FANCB: variants seen among roughly 807,000 people sequenced by gnomAD.
FANCB encodes the protein Fanconi anemia group B protein.
FANCB carries 5 observed loss-of-function variants against 38.9 expected under a neutral mutation model. The observed-to-expected ratio is 0.13, with a 90% CI of 0.07 to 0.27. The LOEUF (loss-of-function observed/expected upper bound fraction) is 0.27, where lower values mean the gene tolerates loss of function less well. Ranked by LOEUF, FANCB falls within the 10% of genes least tolerant of loss-of-function variation. The pLI is 1.00. For synonymous variants in FANCB, 236 were observed against 215.4 expected (o/e 1.10, Z -0.84); for missense variants, 573 against 602.7 (o/e 0.95, Z 0.52).
chrX:14,827,932 A>G, the FANCB span, among the ~76,000 whole-genome samples: 5 of 111,915 alleles, frequency 4.5e-5, no homozygotes, highest in East Asian at 8.4e-4. Context: ...TTTTGGGTTC[A>G]GTTCTAAACC....
chrX:14,775,163 T>TTG, the FANCB span, among the ~76,000 whole-genome samples: 1 of 68,852 alleles, frequency 1.5e-5, no homozygotes, highest in East Asian at 3.9e-4. Flanking sequence ...CTCTAATGTT[T>TTG]TTTTTTTTTT....
chrX:14,724,378 C>T, the FANCB span, among the ~76,000 whole-genome samples: 1 of 110,200 alleles, frequency 9.1e-6, no homozygotes, highest in African/African-American at 3.3e-5. Flanking sequence ...GTAATCCCAG[C>T]ACTTTGGGAG....
chrX:14,833,857 G>C (rs755091079), downstream of FANCB, among the ~76,000 whole-genome samples: 2 of 111,784 alleles, frequency 1.8e-5, no homozygotes, highest in Non-Finnish European at 3.8e-5. Flanking sequence ...AGCTGGGTGT[G>C]GTGGTGGGCA....
intron 6 of FANCB, among the ~76,000 whole-genome samples, chrX:14,851,091 C>T (rs1480218661): frequency 1.8e-5 from 2 of 112,325 alleles, no homozygotes; most frequent in African/African-American, 6.5e-5. Flanking sequence ...TATCTTTAGA[C>T]TACTTATAGC....
intron 7 of FANCB, among the ~76,000 whole-genome samples, chrX:14,845,656 T>G (rs1328540726): frequency 8.9e-6 from 1 of 111,824 alleles, no homozygotes; most frequent in Non-Finnish European, 1.9e-5. Context: ...GGTTGGTCTT[T>G]TTTTTCTCCT....
the FANCB span, among the ~76,000 whole-genome samples, chrX:14,793,097 C>T: frequency 8.1e-5 from 9 of 111,749 alleles, no homozygotes; most frequent in African/African-American, 2.9e-4. Flanking sequence ...TTTCAATAAG[C>T]CAAGCAATTG....
At position 14,843,491 on chromosome X, in the gene FANCB, G is replaced by T; in HGVS notation, c.*76C>A. The stretch of plus-strand genomic sequence containing the variant: ...CTCGGTGTTTATTTTTACAAAGGAG[G>T]CATATAGCAAGTAGAACCAAAATCT... On this transcript the variant is annotated 3_prime_UTR_variant, in exon 10 of 10. Coordinates refer to ENST00000650831, the MANE Select transcript of FANCB (RefSeq NM_001018113.3). 1.5e-6 allele frequency: 1 copy of T among 670,587 alleles called. No individual in the cohort carries two copies. Among genetic ancestry groups the T allele is most frequent in the Non-Finnish European group, 2.3e-6 (1 of 438,732 alleles). The allele number at this position is 670,587 out of a possible 1,213,427, so 55.3% of individuals were successfully genotyped here. A position where few individuals can be genotyped will look rare whatever the true frequency, so the allele number is the denominator to read the frequency against.
chrX:14,777,281 TCTAC>T, the FANCB span, among the ~76,000 whole-genome samples: 2 of 112,097 alleles, frequency 1.8e-5, no homozygotes, highest in Non-Finnish European at 1.9e-5. Context: ...TTCACAGGGG[TCTAC>T]CTATTAGGAC....
the FANCB span, among the ~76,000 whole-genome samples, chrX:14,705,163 C>T: frequency 8.9e-6 from 1 of 112,120 alleles, no homozygotes; most frequent in East Asian, 2.8e-4. Context: ...ATTTAATGCT[C>T]ATTAGAAAGT....
At chrX:14,773,237 A>G in the FANCB span, among the ~76,000 whole-genome samples, 1 of 112,679 alleles carries the variant, frequency 8.9e-6, no homozygotes, top group African/African-American at 3.2e-5. Context: ...CAATTAAGTG[A>G]AAGCTAAAAC....
In FANCB at chrX:14,843,493, A is replaced by G. The variant is rs948292480; in HGVS notation, c.*74T>C. On this transcript the variant is annotated 3_prime_UTR_variant, in exon 10 of 10. Coordinates refer to ENST00000650831, the MANE Select transcript of FANCB (RefSeq NM_001018113.3). ...CGGTGTTTATTTTTACAAAGGAGGC[A>G]TATAGCAAGTAGAACCAAAATCTTA... 4.2e-6 allele frequency: 3 copies of G among 707,891 alleles called. No homozygotes were observed. The African/African-American group carries it at 6.6e-5, about 16-fold the overall frequency. 58.3% of individuals were successfully genotyped at this position (707,891 alleles called of 1,213,427 possible).
At chrX:14,822,120 C>T in the FANCB span, among the ~76,000 whole-genome samples, 4 of 111,067 alleles carry the variant, frequency 3.6e-5, no homozygotes, top group Non-Finnish European at 7.5e-5. Flanking sequence ...CTTTAAGGAG[C>T]GCCAAGACTA....
downstream of FANCB, among the ~76,000 whole-genome samples, chrX:14,840,247 A>G (rs1187374992): frequency 2.7e-5 from 3 of 111,847 alleles, no homozygotes; most frequent in Non-Finnish European, 3.8e-5. Flanking sequence ...TTTGCATTCC[A>G]CTGTGTCAAT....
the FANCB span, among the ~76,000 whole-genome samples, chrX:14,751,021 T>C: frequency 4.5e-5 from 5 of 111,304 alleles, no homozygotes; most frequent in East Asian, 5.7e-4. Context: ...ATACCCTCAA[T>C]AAGAAGATTA....
the FANCB span, among the ~76,000 whole-genome samples, chrX:14,746,360 G>C: frequency 6.0e-4 from 67 of 112,053 alleles, 1 homozygote; most frequent in African/African-American, 2.1e-3. Flanking sequence ...AAGATTTTAA[G>C]AGTGATTTTG....
the FANCB span, among the ~76,000 whole-genome samples, chrX:14,692,902 A>G: frequency 9.0e-6 from 1 of 111,695 alleles, no homozygotes; most frequent in Non-Finnish European, 1.9e-5. Flanking sequence ...AATTTTTAAA[A>G]AAGTATAACT....
the FANCB span, among the ~76,000 whole-genome samples, chrX:14,817,187 G>A: frequency 9.0e-6 from 1 of 111,380 alleles, no homozygotes; most frequent in African/African-American, 3.3e-5. Context: ...GAAAGAGGCT[G>A]GAAACTGAGA....
rs1201178310 is a variant in FANCB, at chrX:14,864,765, T to C, written c.746A>G (p.Lys249Arg). The change falls in exon 3 of 10, where the codon AAA becomes AGA. Residue 249 changes from lysine (K) to arginine (R), a missense_variant. By Grantham distance (26) the Lys-to-Arg change is conservative. Coordinates refer to ENST00000650831, the MANE Select transcript of FANCB (RefSeq NM_001018113.3). ...YVHICATEII[K>R]NQLRISLIAL... ...AATGAGAGATATTCTTAACTGGTTT[T>C]TGATGATCTCAGTTGCACAAATATG... 1 of 1,209,662 alleles carries C rather than the reference T, an allele frequency of 8.3e-7. No homozygotes were observed. The highest frequency in any genetic ancestry group is 1.8e-5 in the South Asian group (1 of 56,907).
the FANCB span, among the ~76,000 whole-genome samples, chrX:14,743,155 C>T: frequency 1.2e-4 from 13 of 112,181 alleles, no homozygotes; most frequent in East Asian, 2.8e-4. Flanking sequence ...CATAACCTTA[C>T]GGATAAGCAA....
Sources: gnomAD v4.1 joint callset for allele counts (sites outside exome capture counted in the v4.1 genomes callset) on GRCh38, gnomAD v4.1.1 for gene constraint, MANE v1.5 for transcripts, NCBI Gene and HGNC (gene_info 2026-07-23, HGNC 2026-07-21) for gene names.